NAALADL2: variants seen among roughly 807,000 people sequenced by gnomAD.
NAALADL2 encodes the protein inactive N-acetylated-alpha-linked acidic dipeptidase-like protein 2.
In NAALADL2, 76 loss-of-function variants were observed where a neutral mutation model predicts 87.2. That is an observed-to-expected ratio of 0.87 (90% CI 0.72 to 1.05). The LOEUF (loss-of-function observed/expected upper bound fraction) is 1.05, where lower values mean the gene tolerates loss of function less well. Ranked by LOEUF, NAALADL2 falls within the 50% of genes least tolerant of loss-of-function variation. NAALADL2 has a pLI of 0.00. For missense variants in NAALADL2, 1,089 were observed against 945.8 expected (o/e 1.15, Z -1.99); for synonymous variants, 354 against 331.0 (o/e 1.07, Z -0.75).
intron 11 of NAALADL2, among the ~76,000 whole-genome samples, chr3:175,690,253 G>A (rs548753198): frequency 1.8e-4 from 28 of 152,138 alleles, no homozygotes; most frequent in African/African-American, 6.7e-4. Context: ...CAGGACTAGT[G>A]TGCCTTTAGA....
chr3:175,795,693 A>G (rs1029237984), intron 13 of NAALADL2, among the ~76,000 whole-genome samples: 1 of 149,970 alleles, frequency 6.7e-6, no homozygotes, highest in Admixed American at 6.6e-5. Flanking sequence ...AAAAAATAAA[A>G]AAATAAAATA....
rs2108998679 is a variant in NAALADL2 at position 175,046,864 on chromosome 3, T to C, written c.44-49926T>C. Among the ~76,000 whole-genome samples, 3 of 152,308 alleles carry C rather than the reference T, an allele frequency of 2.0e-5. No individual in the cohort carries two copies. In the South Asian group the frequency reaches 6.2e-4, roughly 32 times the overall value. ...AGCAACCTAGAAGTCGGCCTTGGTC[T>C]GTTTAGGCTATTACACAATACCATA... On this transcript the variant is annotated intron_variant, in intron 1 of 13. Transcript: ENST00000454872.
intron 5 of NAALADL2, among the ~76,000 whole-genome samples, chr3:175,434,024 T>C (rs916562390): frequency 6.6e-6 from 1 of 151,642 alleles, no homozygotes; most frequent in African/African-American, 2.4e-5. Flanking sequence ...AAGAAACGAG[T>C]GGTAATCAGG....
chr3:174,927,826 A>G (rs914607250), intron 1 of NAALADL2, among the ~76,000 whole-genome samples: 1 of 152,208 alleles, frequency 6.6e-6, no homozygotes, highest in Non-Finnish European at 1.5e-5. Flanking sequence ...AACACATTCA[A>G]AAGCTAGCAG....
chr3:175,549,374 G>A (rs1302535111), intron 9 of NAALADL2, among the ~76,000 whole-genome samples: 1 of 151,950 alleles, frequency 6.6e-6, no homozygotes, highest in Non-Finnish European at 1.5e-5. Flanking sequence ...CTCTCTGAAT[G>A]TTAAATCTAC....
intron 1 of NAALADL2, among the ~76,000 whole-genome samples, chr3:175,008,843 A>G (rs1461783517): frequency 1.3e-5 from 2 of 152,162 alleles, no homozygotes; most frequent in Non-Finnish European, 2.9e-5. Context: ...CTAGAAAATT[A>G]TATTCCATAC....
Position 174,468,384 on chromosome 3 carries a change from C to CTTT in NAALADL2, c.-184+27366_-184+27368dup, listed in dbSNP as rs67829845. Among the ~76,000 whole-genome samples, 462 of 132,702 alleles carry CTTT rather than the reference C, an allele frequency of 3.5e-3. 7 individuals carry two copies. Among genetic ancestry groups the CTTT allele is most frequent in the African/African-American group, 0.012 (445 of 36,060 alleles). 87.1% of individuals were successfully genotyped at this position (132,702 alleles called of 152,430 possible). A position where few individuals can be genotyped will look rare whatever the true frequency, so the allele number is the denominator to read the frequency against. On this transcript the variant is annotated intron_variant, in intron 1 of 3. Coordinates refer to the NAALADL2 transcript ENST00000434257. ...TCATTTTCTTTCTTTCTTTCTTTTT[C>CTTT]TTTTTTTTTTTTTTTTGAGACAGAG...
chr3:175,022,744 G>A (rs1751719155), intron 1 of NAALADL2, among the ~76,000 whole-genome samples: 1 of 152,024 alleles, frequency 6.6e-6, no homozygotes, highest in South Asian at 2.1e-4. Context: ...AGATTGACTG[G>A]GAATGTATTG....
At chr3:175,302,429 A>C (rs992685580) in intron 4 of NAALADL2, among the ~76,000 whole-genome samples, 7 of 152,140 alleles carry the variant, frequency 4.6e-5, no homozygotes, top group African/African-American at 1.7e-4. Flanking sequence ...TTCATCTGGC[A>C]CTCTAGTAAA....
At chr3:175,508,311 G>A (rs1042017314) in intron 9 of NAALADL2, among the ~76,000 whole-genome samples, 6 of 152,092 alleles carry the variant, frequency 3.9e-5, no homozygotes, top group Non-Finnish European at 7.4e-5. Context: ...CACTCTACTT[G>A]GGTGATCTCA....
chr3:174,779,925 C>CT (rs139624881), intron 3 of NAALADL2, among the ~76,000 whole-genome samples: 126,347 of 152,044 alleles, frequency 0.83, 52,797 homozygotes, highest in African/African-American at 0.91. Flanking sequence ...CAGCTTTGTT[C>CT]TTTTGCTTAG....
rs372707393 is a variant in NAALADL2, at chr3:175,407,455, G to A, written c.1091-39774G>A. On this transcript the variant is annotated intron_variant, in intron 5 of 13. Transcript: ENST00000454872. ...TCAAGGAAAGCAAAGCACTCTATAT[G>A]TTTTATATATACTTCTACATTACAA... 9.9e-5 allele frequency among the ~76,000 whole-genome samples: 15 copies of A among 152,184 alleles called. No homozygotes were observed. In the East Asian group the frequency reaches 2.7e-3, roughly 28 times the overall value.
intron 5 of NAALADL2, among the ~76,000 whole-genome samples, chr3:175,386,223 A>G (rs1243000538): frequency 9.6e-6 from 1 of 104,086 alleles, no homozygotes; most frequent in East Asian, 3.5e-4. Flanking sequence ...TTGATAGATC[A>G]TCTTTTTTTT....
At chr3:175,013,644 G>C (rs72622548) in intron 1 of NAALADL2, among the ~76,000 whole-genome samples, 11,823 of 151,918 alleles carry the variant, frequency 0.078, 438 homozygotes, top group Middle Eastern at 0.17. Context: ...TAATTCTTAT[G>C]ATAGCTCTCT....
chr3:175,544,083 G>C (rs544078588), intron 9 of NAALADL2, among the ~76,000 whole-genome samples: 1 of 152,172 alleles, frequency 6.6e-6, no homozygotes, highest in East Asian at 1.9e-4. Flanking sequence ...AGGAGGACAG[G>C]GCTCGGATAA....
At position 174,846,976 on chromosome 3, in the gene NAALADL2, C is replaced by T. The variant is rs985205870; in HGVS notation, c.-9+109230C>T. Among the ~76,000 whole-genome samples the T allele has an allele frequency of 5.3e-5, 8 of 152,030 alleles. No individual in the cohort carries two copies. In the South Asian group the frequency reaches 6.2e-4, roughly 12 times the overall value. On this transcript the variant is annotated intron_variant, in intron 3 of 3. Coordinates refer to the NAALADL2 transcript ENST00000434257. ...ACCTAGAGGAAATGGAAAGTTTAGG[C>T]GATAGAGTTCAATGACAGTTAGGAC...
intron 1 of NAALADL2, among the ~76,000 whole-genome samples, chr3:174,974,861 T>C (rs1171728554): frequency 1.3e-5 from 2 of 152,110 alleles, no homozygotes; most frequent in Admixed American, 1.3e-4. Flanking sequence ...TTTCTTGTGA[T>C]TTTTATGATG....
At chr3:174,727,075 G>T (rs889153611) in intron 2 of NAALADL2, among the ~76,000 whole-genome samples, 5 of 151,914 alleles carry the variant, frequency 3.3e-5, no homozygotes, top group African/African-American at 1.2e-4. Context: ...ATTCTCTCTT[G>T]AAACTAATAT....
chr3:175,531,664 T>G (rs1325842023), intron 9 of NAALADL2, among the ~76,000 whole-genome samples: 1 of 152,214 alleles, frequency 6.6e-6, no homozygotes, highest in Non-Finnish European at 1.5e-5. Flanking sequence ...CTGGTGGGCC[T>G]TATGGACAGG....
Sources: allele counts gnomAD v4.1 joint callset (sites outside exome capture counted in the v4.1 genomes callset), GRCh38; gene constraint gnomAD v4.1.1; transcripts MANE v1.5; gene names NCBI Gene and HGNC (gene_info 2026-07-23, HGNC 2026-07-21).